STRN: variants seen among roughly 807,000 people sequenced by gnomAD.
The protein encoded by STRN is striatin.
Under a neutral mutation model 96.3 loss-of-function variants are expected in STRN, and 53 were observed. The observed-to-expected ratio is 0.55, with a 90% CI of 0.44 to 0.69. The LOEUF (loss-of-function observed/expected upper bound fraction) is 0.69, where lower values mean the gene tolerates loss of function less well. STRN is among the 30% of genes least tolerant of loss of function. The pLI is 0.00. For synonymous variants in STRN, 428 were observed against 355.9 expected (o/e 1.20, Z -2.28); for missense variants, 987 against 963.9 (o/e 1.02, Z -0.32).
intron 15 of STRN, 87 bp downstream of exon 15, chr2:36,855,125 A>G: frequency 1.4e-6 from 2 of 1,383,366 alleles, no homozygotes; most frequent in South Asian, 2.7e-5. Flanking sequence ...TTATAATGAC[A>G]AATATTTTTC....
chr2:36,948,081 C>CTTTTTTTTTTTTTTTTTTTTTTTTTTT lies in STRN; in HGVS notation c.234+18122_234+18148dup, dbSNP rs553351693. On this transcript the variant is annotated intron_variant, in intron 1 of 17. Transcript: ENST00000263918. Reference sequence around the variant, plus strand: ...TCTCCTCTATAATTATCAGTGCACTCTTTTTTTTTTTTTTTTTTTTTTTTT... The same window carrying CTTTTTTTTTTTTTTTTTTTTTTTTTTT: ...TCTCCTCTATAATTATCAGTGCACTCTTTTTTTTTTTTTTTTTTTTTTTTTTTTTTTTTTTTTTTTTTTTTTTTTTTT... 2.9e-5 allele frequency among the ~76,000 whole-genome samples: 2 copies of CTTTTTTTTTTTTTTTTTTTTTTTTTTT among 68,112 alleles called. 1 individual carries two copies. The highest frequency in any genetic ancestry group is 5.3e-5 in the Non-Finnish European group (2 of 37,824). 44.7% of individuals were successfully genotyped at this position (68,112 alleles called of 152,430 possible). A position where few individuals can be genotyped will look rare whatever the true frequency, so the allele number is the denominator to read the frequency against.
At chr2:36,854,045 C>T (rs188105864) in intron 15 of STRN, among the ~76,000 whole-genome samples, 101 of 145,714 alleles carry the variant, frequency 6.9e-4, no homozygotes, top group Non-Finnish European at 2.7e-4. Context: ...ATTCACTCGC[C>T]TAGTTCTCTT....
At position 36,855,342 on chromosome 2, in the gene STRN, G is replaced by A. The variant is rs1407764700; in HGVS notation, c.1848C>T (p.Ile616=). ...TGCTCACTAGATCCACAGAGGCAGG[G>A]ATTCCCAGTTCTGAAAGAGAACATA... The part of the protein sequence containing the change: ...SVFNDTKELG[I]PASVDLVSSD... The change falls in exon 15 of 18, where the codon ATC becomes ATT. Residue 616 remains isoleucine (I), a synonymous_variant. Transcript: ENST00000263918. 6 of 1,613,072 alleles carry A rather than the reference G, an allele frequency of 3.7e-6. No individual in the cohort carries two copies. Among genetic ancestry groups the A allele is most frequent in the Non-Finnish European group, 4.2e-6 (5 of 1,179,620 alleles).
In STRN at chr2:36,963,440, T is replaced by G. The variant is rs1227886563; in HGVS notation, c.234+2790A>C. On this transcript the variant is annotated intron_variant, in intron 1 of 17. Coordinates refer to ENST00000263918, the MANE Select transcript of STRN (RefSeq NM_003162.4). ...ACTATTTTACTTCCTATTGTGTTTC[T>G]AAGAAAATTCCAGTAGCAAAAGAAA... 3.9e-5 allele frequency among the ~76,000 whole-genome samples: 6 copies of G among 152,314 alleles called. No homozygotes were observed. In the East Asian group the frequency reaches 1.2e-3, roughly 29 times the overall value.
rs1667928231 is a variant in STRN, at chr2:36,840,556, T to TTTG, written c.*8899_*8900insCAA. Reference sequence around the variant, plus strand: ...TCAAGAGATTTTTTTTTTTTTTTTTTGGTCTTTGATGATTTGTATAATTTA... The same window carrying TTTG: ...TCAAGAGATTTTTTTTTTTTTTTTTTTTGGGTCTTTGATGATTTGTATAATTTA... On this transcript the variant is annotated 3_prime_UTR_variant, in exon 18 of 18. Coordinates refer to ENST00000263918, the MANE Select transcript of STRN (RefSeq NM_003162.4). The TTTG allele has an allele frequency of 8.9e-6, 1 of 111,978 alleles. No individual in the cohort carries two copies. Among genetic ancestry groups the TTTG allele is most frequent in the African/African-American group, 3.0e-5 (1 of 33,714 alleles). 6.9% of individuals were successfully genotyped at this position (111,978 alleles called of 1,614,324 possible).
intron 7 of STRN, among the ~76,000 whole-genome samples, chr2:36,891,747 C>CA (rs1669405550): frequency 6.6e-6 from 1 of 152,024 alleles, no homozygotes; most frequent in South Asian, 2.1e-4. Context: ...AAAAAGTTTA[C>CA]AAAAAATCTA....
rs1667889815 is a variant in STRN at position 36,839,228 on chromosome 2, T to A, written c.*10228A>T. Among the ~76,000 whole-genome samples, 1 of 152,150 alleles carries A rather than the reference T, an allele frequency of 6.6e-6. No individual in the cohort carries two copies. The highest frequency in any genetic ancestry group is 1.9e-4 in the East Asian group (1 of 5,204). On this transcript the variant is annotated 3_prime_UTR_variant, in exon 18 of 18. Coordinates refer to ENST00000263918, the MANE Select transcript of STRN (RefSeq NM_003162.4). Reference sequence around the variant, plus strand: ...CTGAAAAACATCAAATCATCCCCCTTCCCTGCTCTATTTTTTTTCCCTCTG... The same window carrying A: ...CTGAAAAACATCAAATCATCCCCCTACCCTGCTCTATTTTTTTTCCCTCTG...
In STRN at chr2:36,899,509, G is replaced by A. The variant is rs1325463687; in HGVS notation, c.795+14C>T. 2 of 1,606,508 alleles carry A rather than the reference G, an allele frequency of 1.2e-6. No individual in the cohort carries two copies. The highest frequency in any genetic ancestry group is 1.7e-6 in the Non-Finnish European group (2 of 1,177,942). On this transcript the variant is annotated intron_variant, in intron 6 of 17. Coordinates refer to ENST00000263918, the MANE Select transcript of STRN (RefSeq NM_003162.4). ...CCCTAAAAATATTTATATTGTATGA[G>A]TTATCTAACTCACTGTTGAAGTATC... is the stretch of plus-strand genomic sequence containing the variant.
At chr2:36,920,266 C>T (rs908562276) in intron 2 of STRN, among the ~76,000 whole-genome samples, 3 of 152,082 alleles carry the variant, frequency 2.0e-5, no homozygotes, top group South Asian at 2.1e-4. Context: ...CAAATAAATG[C>T]TTTTTAAAAA....
intron 12 of STRN, 58 bp downstream of exon 12, chr2:36,867,756 C>T (rs757799816): frequency 2.5e-6 from 3 of 1,180,928 alleles, no homozygotes; most frequent in Non-Finnish European, 3.5e-6. Flanking sequence ...ATAAAATATC[C>T]TAACCAGGCT....
chr2:36,881,823 T>C (rs1301437446), intron 9 of STRN, among the ~76,000 whole-genome samples: 8 of 152,240 alleles, frequency 5.3e-5, no homozygotes, highest in African/African-American at 1.7e-4. Flanking sequence ...GATAAACTTT[T>C]TGAATTATGA....
At position 36,854,332 on chromosome 2, in the gene STRN, A is replaced by C. The variant is rs191456683; in HGVS notation, c.1978+880T>G. ...CAATTCTATCACCTGAGTTTAATTT[A>C]TTTTCCTGTCTCTCTCGTTTACATC... On this transcript the variant is annotated intron_variant, in intron 15 of 17. Coordinates refer to ENST00000263918, the MANE Select transcript of STRN (RefSeq NM_003162.4). Among the ~76,000 whole-genome samples the C allele has an allele frequency of 3.2e-3, 491 of 152,228 alleles. 2 individuals are homozygous for C. The highest frequency in any genetic ancestry group is 5.4e-3 in the Non-Finnish European group (369 of 67,986).
intron 10 of STRN, among the ~76,000 whole-genome samples, chr2:36,873,473 G>C (rs571205443): frequency 1.3e-5 from 2 of 152,090 alleles, no homozygotes; most frequent in Admixed American, 1.3e-4. Flanking sequence ...GATGGGAGGA[G>C]AGCCTGAGCC....
rs1387514153 is a variant in STRN at position 36,845,645 on chromosome 2, A to T, written c.*3811T>A. Reference sequence around the variant, plus strand: ...CATTTACTTAGCCAACATTAATGAGATCCCATAATTTTGGTGAACAAATAA... The same window carrying T: ...CATTTACTTAGCCAACATTAATGAGTTCCCATAATTTTGGTGAACAAATAA... On this transcript the variant is annotated 3_prime_UTR_variant, in exon 18 of 18. Transcript: ENST00000263918. 6.6e-6 allele frequency: 1 copy of T among 152,146 alleles called. No individual in the cohort carries two copies. The highest frequency in any genetic ancestry group is 1.5e-5 in the Non-Finnish European group (1 of 68,028). 9.4% of individuals were successfully genotyped at this position (152,146 alleles called of 1,614,324 possible).
chr2:36,904,123 TA>T (rs1417034621), intron 4 of STRN, among the ~76,000 whole-genome samples: 3 of 152,204 alleles, frequency 2.0e-5, no homozygotes, highest in Admixed American at 1.3e-4. Flanking sequence ...ATTAACATTC[TA>T]AGAACACATC....
rs144484507 is a variant in STRN, at chr2:36,893,750, A to G, written c.931+148T>C. On this transcript the variant is annotated intron_variant, in intron 7 of 17. Coordinates refer to ENST00000263918, the MANE Select transcript of STRN (RefSeq NM_003162.4). ...CAATGTTCCTTAAACATACACACACATTCACCCTGGATAAAGGGTGCTAGT... is the reference window on the plus strand; with the variant it reads ...CAATGTTCCTTAAACATACACACACGTTCACCCTGGATAAAGGGTGCTAGT... 5.6e-4 allele frequency: 490 copies of G among 879,530 alleles called. 8 individuals carry two copies. In the African/African-American group the frequency reaches 7.8e-3, roughly 14 times the overall value. 54.5% of individuals were successfully genotyped at this position (879,530 alleles called of 1,614,324 possible).
At position 36,893,942 on chromosome 2, in the gene STRN, T is replaced by A. The variant is rs898678627; in HGVS notation, c.887A>T (p.Glu296Val). ...KEFDFLVTSE[E>V]GDNESRSAGD... Reference sequence around the variant, plus strand: ...TGCACTTCTAGATTCATTGTCTCCTTCCTCTGATGTAACCAAGAAGTCAAA... The same window carrying A: ...TGCACTTCTAGATTCATTGTCTCCTACCTCTGATGTAACCAAGAAGTCAAA... Residue 296 changes from glutamate to valine, a missense_variant, in exon 7 of 18, where the codon GAA becomes GTA. Glu to Val is a moderately radical substitution (Grantham distance 121). Transcript: ENST00000263918. 6.2e-7 allele frequency: 1 copy of A among 1,613,600 alleles called. No individual in the cohort carries two copies. The highest frequency in any genetic ancestry group is 8.5e-7 in the Non-Finnish European group (1 of 1,179,814).
At position 36,908,301 on chromosome 2, in the gene STRN, G is replaced by C. The variant is rs77669210; in HGVS notation, c.413-2683C>G. Among the ~76,000 whole-genome samples, 5 of 152,260 alleles carry C rather than the reference G, an allele frequency of 3.3e-5. No homozygotes were observed. In the East Asian group the frequency reaches 9.6e-4, roughly 29 times the overall value. On this transcript the variant is annotated intron_variant, in intron 3 of 17. Coordinates refer to ENST00000263918, the MANE Select transcript of STRN (RefSeq NM_003162.4). ...CTACTTCTGCCTATTTTGGCAGCCA[G>C]TGACATTACAAAAAAGTGTGATACA...
chr2:36,869,488 T>C (rs1668710451), intron 11 of STRN, 66 bp downstream of exon 11: 7 of 1,274,566 alleles, frequency 5.5e-6, no homozygotes, highest in Non-Finnish European at 7.3e-6. Context: ...AATCATAAAA[T>C]ATGTAGTTTT....
Sources: gnomAD v4.1 joint callset for allele counts (sites outside exome capture counted in the v4.1 genomes callset) on GRCh38, gnomAD v4.1.1 for gene constraint, MANE v1.5 for transcripts, NCBI Gene and HGNC (gene_info 2026-07-23, HGNC 2026-07-21) for gene names.